Variants in CEP128 observed in about 807,000 individuals in gnomAD.
The protein encoded by CEP128 is centrosomal protein 128kDa.
In CEP128, 132 loss-of-function variants were observed where a neutral mutation model predicts 156.7. The observed-to-expected ratio is 0.84, with a 90% CI of 0.73 to 0.97. The LOEUF is 0.97. CEP128 is among the 50% of genes least tolerant of loss of function. The probability of loss-of-function intolerance (pLI) is 0.00; values close to 1 mark genes in which losing one functional copy is unlikely to be tolerated. For synonymous variants in CEP128, 469 were observed against 448.9 expected (o/e 1.04, Z -0.57); for missense variants, 1,252 against 1,281.9 (o/e 0.98, Z 0.36).
chr14:80,955,426 C>T (rs910954257), intron 2 of CEP128: 1 of 565,672 alleles, frequency 1.8e-6, no homozygotes, highest in Non-Finnish European at 3.2e-6. Flanking sequence ...GAGCGGACTG[C>T]GTGGGTCCAG....
intron 13 of CEP128, among the ~76,000 whole-genome samples, chr14:80,820,914 A>C (rs1885130075): frequency 6.6e-6 from 1 of 152,216 alleles, no homozygotes. Flanking sequence ...ACAAAATAAT[A>C]TATTCTATGA....
intron 8 of CEP128, among the ~76,000 whole-genome samples, chr14:80,889,372 G>A (rs539982784): frequency 7.0e-4 from 106 of 152,034 alleles, no homozygotes; most frequent in African/African-American, 2.4e-3. Context: ...ACCTGACTTC[G>A]AACTATACTA....
intron 4 of CEP128, among the ~76,000 whole-genome samples, chr14:80,912,241 G>C (rs775587242): frequency 5.9e-5 from 9 of 151,328 alleles, no homozygotes; most frequent in South Asian, 2.1e-4. Context: ...TACTCCCTCA[G>C]AAAGTTTAGC....
rs147408025 is a variant in CEP128, at chr14:80,636,096, T to C, written c.2807-55673A>G. Reference sequence around the variant, plus strand: ...GTTCAGGGATACTCAAGTGTACTTATTGCTACTTATTTGTTCACTTGTTTT... The same window carrying C: ...GTTCAGGGATACTCAAGTGTACTTACTGCTACTTATTTGTTCACTTGTTTT... On this transcript the variant is annotated intron_variant, in intron 19 of 24. Transcript: ENST00000555265. 2.8e-3 allele frequency among the ~76,000 whole-genome samples: 421 copies of C among 152,342 alleles called. 3 individuals are homozygous for C. Among genetic ancestry groups the C allele is most frequent in the African/African-American group, 9.7e-3 (404 of 41,578 alleles).
intron 19 of CEP128, among the ~76,000 whole-genome samples, chr14:80,641,506 A>C (rs564340355): frequency 6.6e-6 from 1 of 152,332 alleles, no homozygotes; most frequent in South Asian, 2.1e-4. Flanking sequence ...TCAAAGGTGC[A>C]GAACCTGTCT....
At position 80,607,284 on chromosome 14, in the gene CEP128, TA is replaced by T. The variant is rs201771131; in HGVS notation, c.2807-26862del. Among the ~76,000 whole-genome samples, 95 of 152,004 alleles carry T rather than the reference TA, an allele frequency of 6.2e-4. 1 individual carries two copies. The highest frequency in any genetic ancestry group is 6.0e-3 in the East Asian group (31 of 5,170). ...ATTGATAAAGACTGAAGCTACATAATAAATATGACCAATTAGTGGGTAACCA... is the reference window on the plus strand; with the variant it reads ...ATTGATAAAGACTGAAGCTACATAATAATATGACCAATTAGTGGGTAACCA... On this transcript the variant is annotated intron_variant, in intron 19 of 24. Transcript: ENST00000555265.
intron 23 of CEP128, among the ~76,000 whole-genome samples, chr14:80,511,859 A>G (rs1940983564): frequency 6.6e-6 from 1 of 152,108 alleles, no homozygotes; most frequent in South Asian, 2.1e-4. Flanking sequence ...CTGGTCATTC[A>G]AGAGCATACT....
intron 13 of CEP128, among the ~76,000 whole-genome samples, chr14:80,817,452 T>C (rs1488109468): frequency 1.3e-5 from 2 of 152,184 alleles, no homozygotes; most frequent in African/African-American, 2.4e-5. Context: ...AGTAAAAATA[T>C]GTTCAAAAAA....
At chr14:80,694,064 A>G (rs1468154684) in intron 19 of CEP128, among the ~76,000 whole-genome samples, 2 of 152,228 alleles carry the variant, frequency 1.3e-5, no homozygotes, top group Admixed American at 6.5e-5. Flanking sequence ...CAAATTTACA[A>G]GAAAAAAACA....
intron 19 of CEP128, among the ~76,000 whole-genome samples, chr14:80,586,353 T>C (rs764284724): frequency 5.3e-5 from 8 of 152,204 alleles, no homozygotes; most frequent in African/African-American, 9.6e-5. Context: ...TCTAATCTAG[T>C]GTCCTGGGGT....
At chr14:80,865,054 T>C (rs1887702259) in intron 8 of CEP128, among the ~76,000 whole-genome samples, 1 of 152,220 alleles carries the variant, frequency 6.6e-6, no homozygotes, top group Admixed American at 6.5e-5. Flanking sequence ...GGAAACTTTG[T>C]ACTACATATC....
rs141388621 is a variant in CEP128, at chr14:80,478,728, C to T, written c.*311-321G>A. 3.5e-4 allele frequency among the ~76,000 whole-genome samples: 53 copies of T among 152,280 alleles called. No individual in the cohort carries two copies. The East Asian group carries it at 8.3e-3, about 24-fold the overall frequency. Reference sequence around the variant, plus strand: ...CTGTTTGCATATAGCAGATGATACACGTTAGGTACAGAGTATCAACATCCC... The same window carrying T: ...CTGTTTGCATATAGCAGATGATACATGTTAGGTACAGAGTATCAACATCCC... On this transcript the variant is annotated intron_variant and NMD_transcript_variant, in intron 14 of 14. Coordinates refer to the CEP128 transcript ENST00000554502.
At chr14:80,821,592 TACACACATACACACAC>T (rs2139999186) in intron 13 of CEP128, among the ~76,000 whole-genome samples, 1 of 80,102 alleles carries the variant, frequency 1.2e-5, no homozygotes, top group South Asian at 4.7e-4. Flanking sequence ...GTCACACACA[TACACACATACACACAC>T]ACACACACAC....
intron 14 of CEP128, among the ~76,000 whole-genome samples, chr14:80,484,091 C>T (rs921482540): frequency 3.9e-5 from 6 of 152,080 alleles, no homozygotes; most frequent in African/African-American, 1.4e-4. Flanking sequence ...ATCCTCTCAC[C>T]TCAGCTTCTC....
At chr14:80,527,016 G>A (rs1181985299) in intron 22 of CEP128, 34 bp from the exon 23 acceptor site, 3 of 973,828 alleles carry the variant, frequency 3.1e-6, no homozygotes, top group East Asian at 2.4e-5. Context: ...GTCTGAACTG[G>A]TAGATGAAAG....
intron 19 of CEP128, among the ~76,000 whole-genome samples, chr14:80,714,349 T>A (rs112455926): frequency 2.0e-5 from 3 of 152,126 alleles, no homozygotes; most frequent in African/African-American, 7.2e-5. Context: ...AGGCTACTTT[T>A]CTCATTTAGG....
At chr14:80,945,492 A>G (rs557521945), upstream of CEP128, 1 of 152,234 alleles carries the variant, frequency 6.6e-6, no homozygotes, top group South Asian at 2.1e-4. Context: ...CACCCCTTAA[A>G]CTGGGAATGA....
intron 20 of CEP128, among the ~76,000 whole-genome samples, chr14:80,564,594 AC>A (rs1456074929): frequency 6.6e-6 from 1 of 152,166 alleles, no homozygotes; most frequent in Non-Finnish European, 1.5e-5. Context: ...CTTTTTTCTA[AC>A]CCTGAAGCTG....
intron 13 of CEP128, among the ~76,000 whole-genome samples, chr14:80,804,136 AAAT>A (rs199603008): frequency 0.047 from 7,171 of 152,120 alleles, 186 homozygotes; most frequent in Middle Eastern, 0.061. Flanking sequence ...AATCATTTTT[AAAT>A]AATTAAAAGT....
Sources: gnomAD v4.1 joint callset for allele counts (sites outside exome capture counted in the v4.1 genomes callset) on GRCh38, gnomAD v4.1.1 for gene constraint, MANE v1.5 for transcripts, NCBI Gene and HGNC (gene_info 2026-07-23, HGNC 2026-07-21) for gene names.